Variants in LRRN1 observed in about 807,000 individuals in gnomAD.
LRRN1 encodes the protein leucine rich repeat neuronal 1.
LRRN1 carries 14 observed loss-of-function variants against 45.8 expected under a neutral mutation model. The observed-to-expected ratio is 0.31, with a 90% CI of 0.20 to 0.48. The LOEUF is 0.48. Among genes scored for constraint, LRRN1 ranks in the 20% least tolerant of loss-of-function variants. LRRN1 has a pLI of 0.99. For synonymous variants in LRRN1, 359 were observed against 330.1 expected, an observed-to-expected ratio of 1.09 and a Z score of -0.95; for missense variants, 789 against 874.2, an observed-to-expected ratio of 0.90 and a Z score of 1.23.
At chr3:3,828,557 A>G (rs920089935) in intron 1 of LRRN1, among the ~76,000 whole-genome samples, 2 of 152,074 alleles carry the variant, frequency 1.3e-5, no homozygotes, top group African/African-American at 2.4e-5. Flanking sequence ...ATTAACTATC[A>G]CAAGTCCATC....
chr3:3,817,267 GTTCT>G (rs1444650112), intron 1 of LRRN1, among the ~76,000 whole-genome samples: 1 of 152,080 alleles, frequency 6.6e-6, no homozygotes, highest in Non-Finnish European at 1.5e-5. Flanking sequence ...AAAATGTCTA[GTTCT>G]TTAAGTCCTT....
intron 1 of LRRN1, among the ~76,000 whole-genome samples, chr3:3,812,832 AAG>A (rs1491009054): frequency 2.0e-5 from 3 of 150,504 alleles, no homozygotes. Flanking sequence ...AAAAAAAAAA[AAG>A]ATGTAGCACC....
At chr3:3,831,298 C>T (rs183849307) in intron 1 of LRRN1, among the ~76,000 whole-genome samples, 1 of 152,314 alleles carries the variant, frequency 6.6e-6, no homozygotes, top group Admixed American at 6.5e-5. Context: ...AGGAGTATCT[C>T]ACCAGGCCCC....
chr3:3,840,170 G>C (rs558305111), intron 1 of LRRN1, among the ~76,000 whole-genome samples: 1 of 152,186 alleles, frequency 6.6e-6, no homozygotes, highest in East Asian at 1.9e-4. Flanking sequence ...CATTTGTTGA[G>C]TGTTTTTATC....
In LRRN1 at chr3:3,799,856, G is replaced by A. The variant is rs1412204196; in HGVS notation, c.-342G>A. On this transcript the variant is annotated 5_prime_UTR_variant, in exon 1 of 2. Transcript: ENST00000319331. ...TTCTCCTCCTCCTGCTGCTGCTGCC[G>A]CCGCCGCCGCCGTGGGTGCCGGGTC... 6.5e-6 allele frequency: 1 copy of A among 154,146 alleles called. No homozygotes were observed. The highest frequency in any genetic ancestry group is 1.3e-5 in the Non-Finnish European group (1 of 75,542). 9.5% of individuals were successfully genotyped at this position (154,146 alleles called of 1,614,324 possible). A position where few individuals can be genotyped will look rare whatever the true frequency, so the allele number is the denominator to read the frequency against.
At chr3:3,826,179 C>G (rs185586033) in intron 1 of LRRN1, among the ~76,000 whole-genome samples, 3 of 152,088 alleles carry the variant, frequency 2.0e-5, no homozygotes, top group African/African-American at 7.2e-5. Flanking sequence ...CTCCATCCCT[C>G]CAAAACAATT....
chr3:3,845,865 C>G lies in LRRN1; in HGVS notation c.1224C>G (p.His408Gln), dbSNP rs1373022376. Residue 408 changes from histidine to glutamine, a missense_variant, in exon 2 of 2, where the codon CAC becomes CAG. Physicochemically the swap from His to Gln is conservative, Grantham distance 24. Transcript: ENST00000319331. The surrounding 1 kb of genome is among the most constrained non-coding windows in gnomAD (Gnocchi z 6.5). ...CCATGCCGCCCGAATATAAAGGGCA[C>G]CAGGTGAAGGAAGTTTTAATCCAGG... is the stretch of plus-strand genomic sequence containing the variant. ...FCAMPPEYKG[H>Q]QVKEVLIQDS... 9 of 1,614,078 alleles carry G rather than the reference C, an allele frequency of 5.6e-6. No individual in the cohort carries two copies. In the East Asian group the frequency reaches 8.9e-5, roughly 16 times the overall value.
At chr3:3,820,815 CAT>C (rs1411882844) in intron 1 of LRRN1, among the ~76,000 whole-genome samples, 11 of 152,312 alleles carry the variant, frequency 7.2e-5, no homozygotes, top group Non-Finnish European at 1.5e-4. Context: ...ATGAATAAAA[CAT>C]AACCTTGGAC....
intron 1 of LRRN1, among the ~76,000 whole-genome samples, chr3:3,840,807 A>G (rs1693636319): frequency 6.6e-6 from 1 of 152,182 alleles, no homozygotes; most frequent in Admixed American, 6.5e-5. Context: ...TATGTCAAAG[A>G]AAAATTTGAA....
At chr3:3,803,875 C>T (rs1415652252) in intron 1 of LRRN1, among the ~76,000 whole-genome samples, 1 of 152,160 alleles carries the variant, frequency 6.6e-6, no homozygotes, top group Non-Finnish European at 1.5e-5. Flanking sequence ...ACCTGCTTTA[C>T]AGATCTGTTA....
At chr3:3,812,374 A>C (rs557170075) in intron 1 of LRRN1, among the ~76,000 whole-genome samples, 1 of 150,618 alleles carries the variant, frequency 6.6e-6, no homozygotes, top group East Asian at 1.9e-4. Flanking sequence ...TCTGAAGGTC[A>C]TGGGAGAGTT....
rs9842303 is a variant in LRRN1 at position 3,849,611 on chromosome 3, T to C, written c.*2819T>C. On this transcript the variant is annotated 3_prime_UTR_variant, in exon 2 of 2. Transcript: ENST00000319331. ...ATTTTCCCTTTTGCTTTCTGCTGCC[T>C]TCAGGGTATATAGTGTATCTCTAAC... Among the ~76,000 whole-genome samples, 149,941 of 152,272 alleles carry C rather than the reference T, an allele frequency of 0.98. 73,867 individuals carry two copies. The highest frequency in any genetic ancestry group is 1 in the East Asian group (5,172 of 5,172).
Position 3,844,421 on chromosome 3 carries a change from G to T in LRRN1, c.-221G>T. The T allele has an allele frequency of 1.9e-6, 1 of 515,720 alleles. No individual in the cohort carries two copies. Among genetic ancestry groups the T allele is most frequent in the South Asian group, 2.9e-5 (1 of 34,278 alleles). The allele number at this position is 515,720 out of a possible 1,614,324, so 31.9% of individuals were successfully genotyped here. A position where few individuals can be genotyped will look rare whatever the true frequency, so the allele number is the denominator to read the frequency against. On this transcript the variant is annotated 5_prime_UTR_variant, in exon 2 of 2. It removes an upstream start codon present in the reference 5' UTR. Coordinates refer to ENST00000319331, the MANE Select transcript of LRRN1 (RefSeq NM_020873.7). ...ATTCATGCCACGGACCTGTGCACAT[G>T]CCTGGAATTGAGAGACACAGTTAAA...
In LRRN1 at chr3:3,845,317, T is replaced by C. The variant is rs746781538; in HGVS notation, c.676T>C (p.Tyr226His). Residue 226 changes from tyrosine (Y) to histidine (H), a missense_variant, in exon 2 of 2, where the codon TAT becomes CAT. Tyr to His is a moderately conservative substitution (Grantham distance 83). Transcript: ENST00000319331. This position sits in a 1 kb window ranked among gnomAD's most constrained non-coding sequence, Gnocchi z 6.5. ...GAGAAGCTTAGTTTTGGCAGGAATG[T>C]ATCTCACTGATATTCCTGGAAATGC... ...NLRSLVLAGM[Y>H]LTDIPGNALV... The C allele has an allele frequency of 1.1e-5, 17 of 1,614,010 alleles. No individual in the cohort carries two copies. Among genetic ancestry groups the C allele is most frequent in the African/African-American group, 2.7e-5 (2 of 74,946 alleles).
In LRRN1 at chr3:3,836,056, TAGTC is replaced by T. The variant is rs767966351; in HGVS notation, c.-278-8301_-278-8298del. ...ATTTTCTTCTTACATTTGATAGATC[TAGTC>T]AGTCAGCCCTAGAAGAAAGCAATTT... On this transcript the variant is annotated intron_variant, in intron 1 of 1. Coordinates refer to ENST00000319331, the MANE Select transcript of LRRN1 (RefSeq NM_020873.7). Among the ~76,000 whole-genome samples the T allele has an allele frequency of 1.8e-3, 273 of 151,214 alleles. 1 individual carries two copies. Among genetic ancestry groups the T allele is most frequent in the Non-Finnish European group, 2.3e-3 (156 of 67,876 alleles).
chr3:3,804,058 G>GT (rs986693829), intron 1 of LRRN1: 91 of 152,236 alleles, frequency 6.0e-4, no homozygotes, highest in African/African-American at 2.1e-3. Flanking sequence ...TTATGTTACA[G>GT]TTTTTTAAAA....
intron 1 of LRRN1, among the ~76,000 whole-genome samples, chr3:3,819,527 G>A (rs992220811): frequency 3.3e-5 from 5 of 152,044 alleles, no homozygotes; most frequent in Non-Finnish European, 7.4e-5. Flanking sequence ...GCATTCCTTT[G>A]TTTACAGCTG....
At chr3:3,826,664 C>G (rs1209617911) in intron 1 of LRRN1, among the ~76,000 whole-genome samples, 1 of 152,066 alleles carries the variant, frequency 6.6e-6, no homozygotes, top group Non-Finnish European at 1.5e-5. Flanking sequence ...TCTGTGATCA[C>G]TTAACACACA....
At chr3:3,837,967 T>C (rs1234591849) in intron 1 of LRRN1, among the ~76,000 whole-genome samples, 1 of 152,130 alleles carries the variant, frequency 6.6e-6, no homozygotes, top group Non-Finnish European at 1.5e-5. Flanking sequence ...CTCCCACTTA[T>C]AAGTGAGAAC....
Sources: gnomAD v4.1 joint callset for allele counts (sites outside exome capture counted in the v4.1 genomes callset) on GRCh38, gnomAD v4.1.1 for gene constraint, Gnocchi (gnomAD v3.1) non-coding constraint, MANE v1.5 for transcripts, NCBI Gene and HGNC (gene_info 2026-07-23, HGNC 2026-07-21) for gene names.